The following OPCML variants were observed in gnomAD, a reference collection of about 807,000 sequenced individuals.
OPCML encodes the protein opioid-binding protein/cell adhesion molecule.
Under a neutral mutation model 37.8 loss-of-function variants are expected in OPCML, and 13 were observed. That is an observed-to-expected ratio of 0.34 (90% confidence interval 0.22 to 0.55). The LOEUF is 0.55. Ranked by LOEUF, OPCML falls within the 20% of genes least tolerant of loss-of-function variation. The pLI is 0.91. For synonymous variants in OPCML, 176 were observed against 168.8 expected, an observed-to-expected ratio of 1.04 and a Z score of -0.33; for missense variants, 341 against 435.6, an observed-to-expected ratio of 0.78 and a Z score of 1.93.
At chr11:133,435,759 T>C (rs1325856729) in intron 1 of OPCML, among the ~76,000 whole-genome samples, 2 of 152,242 alleles carry the variant, frequency 1.3e-5, no homozygotes, top group African/African-American at 4.8e-5. Flanking sequence ...ACATTATCTC[T>C]GACTTTGTTT....
intron 2 of OPCML, among the ~76,000 whole-genome samples, chr11:132,711,813 A>G (rs1233864700): frequency 6.6e-6 from 1 of 152,212 alleles, no homozygotes; most frequent in Non-Finnish European, 1.5e-5. Context: ...ATGTGTGTAC[A>G]CAAGCACAGA....
At chr11:133,446,464 G>T (rs544733502) in intron 1 of OPCML, among the ~76,000 whole-genome samples, 110 of 152,108 alleles carry the variant, frequency 7.2e-4, no homozygotes, top group African/African-American at 2.6e-3. Context: ...TTGCTCTGCT[G>T]CCTGGGCTGT....
intron 7 of OPCML, among the ~76,000 whole-genome samples, chr11:132,430,507 A>C (rs1013769296): frequency 2.6e-5 from 4 of 152,192 alleles, no homozygotes; most frequent in Non-Finnish European, 4.4e-5. Context: ...TTACGCCCTC[A>C]TGGCTCCCAG....
At chr11:133,494,057 A>G (rs1947726082) in intron 1 of OPCML, among the ~76,000 whole-genome samples, 1 of 152,182 alleles carries the variant, frequency 6.6e-6, no homozygotes, top group Non-Finnish European at 1.5e-5. Context: ...GGCAAAGGAC[A>G]TGAACAGACA....
chr11:133,285,549 G>A (rs1160024004), intron 1 of OPCML, among the ~76,000 whole-genome samples: 4 of 152,168 alleles, frequency 2.6e-5, no homozygotes, highest in African/African-American at 9.7e-5. Flanking sequence ...AGAATAGAGA[G>A]GAAGGGTAAT....
At chr11:132,557,206 G>T (rs1463439487) in intron 3 of OPCML, among the ~76,000 whole-genome samples, 1 of 152,170 alleles carries the variant, frequency 6.6e-6, no homozygotes, top group East Asian at 1.9e-4. Context: ...GAAAGTGCCA[G>T]ATTATGTCCG....
intron 2 of OPCML, among the ~76,000 whole-genome samples, chr11:132,792,171 C>T (rs1353871671): frequency 6.6e-6 from 1 of 151,932 alleles, no homozygotes; most frequent in African/African-American, 2.4e-5. Flanking sequence ...GCAATTGTAG[C>T]GTATTCCATC....
intron 1 of OPCML, among the ~76,000 whole-genome samples, chr11:133,290,023 A>G (rs1942432917): frequency 6.6e-6 from 1 of 152,164 alleles, no homozygotes; most frequent in Non-Finnish European, 1.5e-5. Context: ...TTCCCAGTGG[A>G]AAAAGCTCCA....
chr11:133,089,547 A>C (rs1246759323), intron 1 of OPCML, among the ~76,000 whole-genome samples: 1 of 152,218 alleles, frequency 6.6e-6, no homozygotes, highest in Non-Finnish European at 1.5e-5. Flanking sequence ...GCAAAACAAA[A>C]GGCTTCTGAC....
intron 1 of OPCML, among the ~76,000 whole-genome samples, chr11:133,332,354 G>A (rs1254326959): frequency 9.9e-5 from 15 of 152,150 alleles, no homozygotes; most frequent in Admixed American, 9.8e-4. Flanking sequence ...TCTAGCTAGA[G>A]AATGATGTCA....
At chr11:133,093,909 A>C (rs1948955742) in intron 1 of OPCML, among the ~76,000 whole-genome samples, 1 of 152,214 alleles carries the variant, frequency 6.6e-6, no homozygotes, top group East Asian at 1.9e-4. Flanking sequence ...TCTTAATTTT[A>C]ATCTTTGAGG....
intron 4 of OPCML, among the ~76,000 whole-genome samples, chr11:132,497,579 T>C (rs190790806): frequency 1.3e-5 from 2 of 151,978 alleles, no homozygotes; most frequent in East Asian, 3.9e-4. Context: ...AGTATTGGAG[T>C]GATCCATGCA....
At position 132,418,278 on chromosome 11, in the gene OPCML, T is replaced by A. The variant is rs1047153538; in HGVS notation, c.*1915A>T. 3.9e-5 allele frequency: 6 copies of A among 152,202 alleles called. No individual in the cohort carries two copies. Among genetic ancestry groups the A allele is most frequent in the African/African-American group, 1.4e-4 (6 of 41,460 alleles). The allele number at this position is 152,202 out of a possible 1,614,324, so 9.4% of individuals were successfully genotyped here. A position where few individuals can be genotyped will look rare whatever the true frequency, so the allele number is the denominator to read the frequency against. ...GTCTGCGATTGATGCTGCATTCTCATCCTCTCTGTGGATCAGTCCCTGCAG... is the reference window on the plus strand; with the variant it reads ...GTCTGCGATTGATGCTGCATTCTCAACCTCTCTGTGGATCAGTCCCTGCAG... On this transcript the variant is annotated 3_prime_UTR_variant, in exon 8 of 8. Coordinates refer to ENST00000524381, the MANE Select transcript of OPCML (RefSeq NM_001012393.5).
chr11:133,376,349 TA>T (rs1257613420), intron 1 of OPCML, among the ~76,000 whole-genome samples: 2 of 152,230 alleles, frequency 1.3e-5, no homozygotes, highest in East Asian at 3.9e-4. Flanking sequence ...TCTAAGCAAA[TA>T]CCCAATGACA....
chr11:132,944,193 T>C (rs994261089), intron 1 of OPCML, among the ~76,000 whole-genome samples: 5 of 120,980 alleles, frequency 4.1e-5, no homozygotes, highest in Non-Finnish European at 9.1e-5. Context: ...AGGGGCGGGG[T>C]GGGGGGAGCG....
At chr11:132,671,097 TTGAG>T (rs1942457877) in intron 2 of OPCML, among the ~76,000 whole-genome samples, 1 of 152,174 alleles carries the variant, frequency 6.6e-6, no homozygotes, top group South Asian at 2.1e-4. Context: ...AAAACCTTAT[TTGAG>T]TTTTTAAAAA....
intron 2 of OPCML, among the ~76,000 whole-genome samples, chr11:132,879,101 G>GT (rs1329267521): frequency 2.0e-5 from 3 of 152,160 alleles, no homozygotes; most frequent in Non-Finnish European, 4.4e-5. Flanking sequence ...TGAAATTAAC[G>GT]TAAGTAAGCT....
At chr11:132,436,309 C>T (rs1291254269) in intron 6 of OPCML, 72 bp from the exon 7 acceptor site, 7 of 1,608,900 alleles carry the variant, frequency 4.4e-6, no homozygotes, top group Non-Finnish European at 5.1e-6. Context: ...CTCTTTTCTC[C>T]AACTAATCTC....
intron 3 of OPCML, among the ~76,000 whole-genome samples, chr11:132,569,087 G>C (rs188669183): frequency 6.6e-6 from 1 of 152,168 alleles, no homozygotes; most frequent in Non-Finnish European, 1.5e-5. Context: ...ACTCGCCTGC[G>C]GTCGGGGCTG....
Sources: gnomAD v4.1 joint callset for allele counts (sites outside exome capture counted in the v4.1 genomes callset) on GRCh38, gnomAD v4.1.1 for gene constraint, MANE v1.5 for transcripts, NCBI Gene and HGNC (gene_info 2026-07-23, HGNC 2026-07-21) for gene names.